DDR1: variants seen among roughly 807,000 people sequenced by gnomAD.
DDR1 encodes discoidin domain receptor tyrosine kinase 1, also known as epithelial discoidin domain-containing receptor 1.
In DDR1, 64 loss-of-function variants were observed where a neutral mutation model predicts 97.4. That is an observed-to-expected ratio of 0.66 (90% CI 0.54 to 0.81). The LOEUF (loss-of-function observed/expected upper bound fraction) is 0.81, where lower values mean the gene tolerates loss of function less well. DDR1 is among the 30% of genes least tolerant of loss of function. The probability of loss-of-function intolerance (pLI) is 0.00; values close to 1 mark genes in which losing one functional copy is unlikely to be tolerated. For missense variants in DDR1, 990 were observed against 1,259.6 expected (o/e 0.79, Z 3.24); for synonymous variants, 458 against 503.7 (o/e 0.91, Z 1.21).
At position 30,890,018 on chromosome 6, in the gene DDR1, G is replaced by T. The variant is rs6457281; in HGVS notation, c.417+588G>T. ...CCACCTCTACTGCCCTAGGCCACCT[G>T]CCCGCCATCTCCAGCTTAGATGAGT... On this transcript the variant is annotated intron_variant, in intron 4 of 17. Coordinates refer to ENST00000376568, the MANE Select transcript of DDR1 (RefSeq NM_001297654.2). The surrounding 1 kb of genome is among the most constrained non-coding windows in gnomAD (Gnocchi z 5.0). Among the ~76,000 whole-genome samples the T allele has an allele frequency of 0.044, 6,762 of 152,182 alleles. 268 individuals carry two copies. Among genetic ancestry groups the T allele is most frequent in the African/African-American group, 0.099 (4,089 of 41,478 alleles).
At position 30,891,943 on chromosome 6, in the gene DDR1, C is replaced by G; in HGVS notation, c.666-59C>G. The G allele has an allele frequency of 6.3e-7, 1 of 1,587,572 alleles. No homozygotes were observed. ...GCCGGAGGGTGGCGGAGCAGAATGC[C>G]TGGATGTCAAGACCCTCTTCCCTTC... is the stretch of plus-strand genomic sequence containing the variant. On this transcript the variant is annotated intron_variant, in intron 6 of 17. Coordinates refer to ENST00000376568, the MANE Select transcript of DDR1 (RefSeq NM_001297654.2). This position sits in a 1 kb window ranked among gnomAD's most constrained non-coding sequence, Gnocchi z 5.3.
upstream of DDR1, chr6:30,884,188 G>A (rs1405439082): frequency 3.3e-5 from 5 of 152,418 alleles, no homozygotes; most frequent in Non-Finnish European, 7.4e-5. This position sits in a 1 kb window ranked among gnomAD's most constrained non-coding sequence, Gnocchi z 6.1. Flanking sequence ...AGTGGGTGGA[G>A]GGGGCTGGGC....
Position 30,894,920 on chromosome 6 carries a change from T to C in DDR1, c.1513+249T>C, listed in dbSNP as rs1446286503. 6.6e-6 allele frequency among the ~76,000 whole-genome samples: 1 copy of C among 152,138 alleles called. No individual in the cohort carries two copies. The highest frequency in any genetic ancestry group is 1.5e-5 in the Non-Finnish European group (1 of 68,030). On this transcript the variant is annotated intron_variant, in intron 11 of 17. Transcript: ENST00000376568. This position sits in a 1 kb window ranked among gnomAD's most constrained non-coding sequence, Gnocchi z 5.7. Reference sequence around the variant, plus strand: ...TCCCACAGACATCTCTCTATCTTTGTTGTACCCTCTCATTGTGTCTCCCTG... The same window carrying C: ...TCCCACAGACATCTCTCTATCTTTGCTGTACCCTCTCATTGTGTCTCCCTG...
At position 30,894,294 on chromosome 6, in the gene DDR1, G is replaced by C. The variant is rs1372045856; in HGVS notation, c.1348-212G>C. Among the ~76,000 whole-genome samples, 1 of 152,104 alleles carries C rather than the reference G, an allele frequency of 6.6e-6. No homozygotes were observed. Among genetic ancestry groups the C allele is most frequent in the Admixed American group, 6.5e-5 (1 of 15,280 alleles). ...AAAAACGGTTGATAGTTATGGACTGGGCAGATGAGGGTTAGAATCTCATTG... is the reference window on the plus strand; with the variant it reads ...AAAAACGGTTGATAGTTATGGACTGCGCAGATGAGGGTTAGAATCTCATTG... On this transcript the variant is annotated intron_variant, in intron 10 of 17. Transcript: ENST00000376568. This position sits in a 1 kb window ranked among gnomAD's most constrained non-coding sequence, Gnocchi z 5.7.
intron 9 of DDR1, 35 bp from the exon 10 acceptor site, chr6:30,893,237 C>T: frequency 2.5e-6 from 4 of 1,598,404 alleles, no homozygotes. Context: ...TAGGGTGGGA[C>T]CCTCCTGTGG....
rs2150284177 is a variant in DDR1, at chr6:30,888,857, G to C, written c.85+43G>C. 6.2e-7 allele frequency: 1 copy of C among 1,613,016 alleles called. No homozygotes were observed. Among genetic ancestry groups the C allele is most frequent in the Non-Finnish European group, 8.5e-7 (1 of 1,180,008 alleles). On this transcript the variant is annotated intron_variant, in intron 2 of 17. Coordinates refer to ENST00000376568, the MANE Select transcript of DDR1 (RefSeq NM_001297654.2). This position sits in a 1 kb window ranked among gnomAD's most constrained non-coding sequence, Gnocchi z 4.2. ...TGGGTCCCTGAGGGCCAGGGCTTGG[G>C]AGGTAGAGAGTTGGGGGCCTTGACC...
rs983498853 is a variant in DDR1 at position 30,894,597 on chromosome 6, A to G, written c.1439A>G (p.Glu480Gly). 11 of 1,613,226 alleles carry G rather than the reference A, an allele frequency of 6.8e-6. No homozygotes were observed. The highest frequency in any genetic ancestry group is 1.3e-5 in the African/African-American group (1 of 74,782). Residue 480 changes from glutamate to glycine, a missense_variant, in exon 11 of 18, where the codon GAG (glutamate) becomes GGG (glycine). By Grantham distance (98) the Glu-to-Gly change is moderately conservative. Coordinates refer to ENST00000376568, the MANE Select transcript of DDR1 (RefSeq NM_001297654.2). This position sits in a 1 kb window ranked among gnomAD's most constrained non-coding sequence, Gnocchi z 5.7. ...ILINNRPGPR[E>G]PPPYQEPRPR... ...ATCAACAACCGCCCAGGTCCTAGAG[A>G]GCCACCCCCGTACCAGGAGCCCCGG...
In DDR1 at chr6:30,897,304, CA is replaced by C; in HGVS notation, c.1998-74del. 8 of 760,952 alleles carry C rather than the reference CA, an allele frequency of 1.1e-5. No individual in the cohort carries two copies. The highest frequency in any genetic ancestry group is 1.4e-5 in the Non-Finnish European group (8 of 566,490). 47.1% of individuals were successfully genotyped at this position (760,952 alleles called of 1,614,324 possible). A position where few individuals can be genotyped will look rare whatever the true frequency, so the allele number is the denominator to read the frequency against. ...GACGCCTGGTCTGCCTGAGGTGGGG[CA>C]GGGGGGTGGGGGCGCGGGGGAAGGT... is the stretch of plus-strand genomic sequence containing the variant. On this transcript the variant is annotated intron_variant, in intron 14 of 17. Transcript: ENST00000376568. The surrounding 1 kb of genome is among the most constrained non-coding windows in gnomAD (Gnocchi z 5.2).
In DDR1 at chr6:30,894,367, C is replaced by G. The variant is rs1215840301; in HGVS notation, c.1348-139C>G. 2 of 708,608 alleles carry G rather than the reference C, an allele frequency of 2.8e-6. No homozygotes were observed. Among genetic ancestry groups the G allele is most frequent in the Non-Finnish European group, 4.2e-6 (2 of 472,770 alleles). 43.9% of individuals were successfully genotyped at this position (708,608 alleles called of 1,614,324 possible). On this transcript the variant is annotated intron_variant, in intron 10 of 17. Coordinates refer to ENST00000376568, the MANE Select transcript of DDR1 (RefSeq NM_001297654.2). The surrounding 1 kb of genome is among the most constrained non-coding windows in gnomAD (Gnocchi z 5.7). ...TGCTCTTGAGCTTCACTTTCTCTGCCTGTAAGATGGTGCTGATAGTATCCA... is the reference window on the plus strand; with the variant it reads ...TGCTCTTGAGCTTCACTTTCTCTGCGTGTAAGATGGTGCTGATAGTATCCA...
At position 30,898,312 on chromosome 6, in the gene DDR1, G is replaced by T; in HGVS notation, c.2451+5G>T. 6.2e-7 allele frequency: 1 copy of T among 1,607,958 alleles called. No homozygotes were observed. Among genetic ancestry groups the T allele is most frequent in the Non-Finnish European group, 8.5e-7 (1 of 1,175,754 alleles). ...GCCTGGGAGTGCATCCTCATGGTGA[G>T]CAGCCCGAGGACAGCCAGGTTGGAG... On this transcript the variant is annotated splice_donor_5th_base_variant and intron_variant, in intron 16 of 17. Transcript: ENST00000376568.
upstream of DDR1, chr6:30,881,827 T>A (rs1784368948): frequency 6.5e-6 from 1 of 153,150 alleles, no homozygotes; most frequent in South Asian, 2.1e-4. Flanking sequence ...GGGAATTCTC[T>A]CACCATTGTC....
In DDR1 at chr6:30,890,632, G is replaced by T; in HGVS notation, c.418-341G>T. On this transcript the variant is annotated intron_variant, in intron 4 of 17. Coordinates refer to ENST00000376568, the MANE Select transcript of DDR1 (RefSeq NM_001297654.2). The surrounding 1 kb of genome is among the most constrained non-coding windows in gnomAD (Gnocchi z 5.0). ...AGAGGGAATGGGCTGAAATGAAGGG[G>T]AAGCTGAGGCAGGGGTGCAGGGCTG... 3.6e-6 allele frequency: 1 copy of T among 274,018 alleles called. No homozygotes were observed. 17.0% of individuals were successfully genotyped at this position (274,018 alleles called of 1,614,324 possible).
intron 10 of DDR1, 78 bp downstream of exon 10, chr6:30,893,501 G>A: frequency 6.6e-7 from 1 of 1,522,676 alleles, no homozygotes; most frequent in Non-Finnish European, 8.8e-7. Context: ...GGGACCTGCA[G>A]GGCACAGCCC....
intron 12 of DDR1, among the ~76,000 whole-genome samples, 177 bp downstream of exon 12, chr6:30,895,691 T>C (rs1790504748): frequency 6.6e-6 from 1 of 152,144 alleles, no homozygotes. Flanking sequence ...TGCTCTTTTT[T>C]AAGGTCCCCC....
In DDR1 at chr6:30,891,325, G is replaced by C. The variant is rs1219651167; in HGVS notation, c.566-55G>C. 2 of 1,499,338 alleles carry C rather than the reference G, an allele frequency of 1.3e-6. No individual in the cohort carries two copies. The highest frequency in any genetic ancestry group is 1.8e-6 in the Non-Finnish European group (2 of 1,083,252). The allele number at this position is 1,499,338 out of a possible 1,614,324, so 92.9% of individuals were successfully genotyped here. Reference sequence around the variant, plus strand: ...TGAAACCTGCCCAGGCCTGATGCAGGGATGGGGGATGGAGCCTTAGTGCCT... The same window carrying C: ...TGAAACCTGCCCAGGCCTGATGCAGCGATGGGGGATGGAGCCTTAGTGCCT... On this transcript the variant is annotated intron_variant, in intron 5 of 17. Transcript: ENST00000376568. This position sits in a 1 kb window ranked among gnomAD's most constrained non-coding sequence, Gnocchi z 5.3.
At chr6:30,881,437 T>G (rs1244467635), upstream of DDR1, 1 of 152,504 alleles carries the variant, frequency 6.6e-6, no homozygotes, top group Non-Finnish European at 1.5e-5. Context: ...TTCTCAGCCT[T>G]TTATACTTCT....
rs1562389431 is a variant in DDR1 at position 30,892,451 on chromosome 6, GC to G, written c.1012del (p.Gly339AlafsTer31). 6.2e-7 allele frequency: 1 copy of G among 1,609,022 alleles called. No homozygotes were observed. Among genetic ancestry groups the G allele is most frequent in the African/African-American group, 1.3e-5 (1 of 74,918 alleles). ...GDPRARAVSV[P>X]LGGRVARFLQ... ...ACCCCAGAGCCCGGGCTGTCTCAGT[GC>G]CCCTTGGCGGCCGTGTGGCTCGCTT... On this transcript the variant is annotated frameshift_variant, in exon 8 of 18. Transcript: ENST00000376568. LOFTEE classifies it high-confidence loss of function.
At position 30,891,547 on chromosome 6, in the gene DDR1, G is replaced by GTGTGTT. The variant is rs1554256392; in HGVS notation, c.665+73_665+74insTTGTGT. 26,285 of 960,294 alleles carry GTGTGTT rather than the reference G, an allele frequency of 0.027. 554 individuals are homozygous for GTGTGTT. Among genetic ancestry groups the GTGTGTT allele is most frequent in the African/African-American group, 0.097 (5,946 of 61,534 alleles). 59.5% of individuals were successfully genotyped at this position (960,294 alleles called of 1,614,324 possible). ...GAGGACTGTGTGTGTGTGTGTGTGT[G>GTGTGTT]TGTGTGTGTGAGAGTGTGTGTGTGT... is the stretch of plus-strand genomic sequence containing the variant. On this transcript the variant is annotated intron_variant, in intron 6 of 17. Transcript: ENST00000376568. The surrounding 1 kb of genome is among the most constrained non-coding windows in gnomAD (Gnocchi z 5.3).
At chr6:30,883,185 G>A (rs923198386), upstream of DDR1, 2 of 152,404 alleles carry the variant, frequency 1.3e-5, no homozygotes, top group East Asian at 1.9e-4. The surrounding 1 kb of genome is among the most constrained non-coding windows in gnomAD (Gnocchi z 4.9). Flanking sequence ...TTGTGTACTT[G>A]TCTGGTTGGG....
Sources: allele counts gnomAD v4.1 joint callset (sites outside exome capture counted in the v4.1 genomes callset), GRCh38; gene constraint gnomAD v4.1.1; non-coding constraint Gnocchi (gnomAD v3.1); transcripts MANE v1.5; gene names NCBI Gene and HGNC (gene_info 2026-07-23, HGNC 2026-07-21).